Variants in CMIP observed in about 807,000 individuals in gnomAD.
The protein encoded by CMIP is c-Maf inducing protein.
Under a neutral mutation model 97.3 loss-of-function variants are expected in CMIP, and 13 were observed. The ratio of observed to expected loss-of-function variants is 0.13; its 90% CI spans 0.09 to 0.21. The LOEUF is 0.21. Ranked by LOEUF, CMIP falls within the 10% of genes least tolerant of loss-of-function variation. CMIP has a pLI of 1.00. For missense variants in CMIP, 847 were observed against 1,024.9 expected (o/e 0.83, Z 2.37); for synonymous variants, 538 against 436.3 (o/e 1.23, Z -2.91).
intron 1 of CMIP, among the ~76,000 whole-genome samples, chr16:81,514,715 A>G (rs749286309): frequency 1.3e-5 from 2 of 152,138 alleles, no homozygotes; most frequent in South Asian, 4.2e-4. Context: ...TTGTTTCCAG[A>G]CTTCTCTGTG....
chr16:81,540,776 G>A (rs2090434861), intron 1 of CMIP, among the ~76,000 whole-genome samples: 1 of 151,258 alleles, frequency 6.6e-6, no homozygotes, highest in African/African-American at 2.4e-5. Context: ...CGCCTCCCAG[G>A]TTCAAGCGAT....
chr16:81,588,430 C>T (rs934025348), intron 1 of CMIP, among the ~76,000 whole-genome samples: 1 of 152,206 alleles, frequency 6.6e-6, no homozygotes, highest in Admixed American at 6.5e-5. Context: ...CCACGCTTGT[C>T]AGGTGTGGTC....
intron 13 of CMIP, among the ~76,000 whole-genome samples, chr16:81,694,721 C>A (rs1225232447): frequency 6.6e-6 from 1 of 152,170 alleles, no homozygotes; most frequent in Non-Finnish European, 1.5e-5. Context: ...CGTTTTGATG[C>A]GTTTTGAACA....
chr16:81,648,784 GAAAAAAAAAAAAAAAAAA>G (rs6145916), intron 3 of CMIP, among the ~76,000 whole-genome samples: 1,667 of 75,726 alleles, frequency 0.022, 45 homozygotes, highest in Middle Eastern at 0.047. Flanking sequence ...CTCTGTCTCA[GAAAAAAAAAAAAAAAAAA>G]AAAAAAAAAA....
chr16:81,517,164 G>GA (rs1385693623), intron 1 of CMIP, among the ~76,000 whole-genome samples: 1 of 149,456 alleles, frequency 6.7e-6, no homozygotes, highest in Non-Finnish European at 1.5e-5. Flanking sequence ...GTGAAACCCA[G>GA]ACGGCCTCCA....
intron 1 of CMIP, among the ~76,000 whole-genome samples, chr16:81,597,341 T>A (rs1487339784): frequency 6.6e-6 from 1 of 152,220 alleles, no homozygotes; most frequent in Non-Finnish European, 1.5e-5. Context: ...CATACTCTGG[T>A]AACCCCTCTG....
At chr16:81,633,938 G>C (rs1399058803) in intron 3 of CMIP, among the ~76,000 whole-genome samples, 4 of 152,260 alleles carry the variant, frequency 2.6e-5, no homozygotes, top group African/African-American at 7.2e-5. Flanking sequence ...TTTTGTTAAA[G>C]TCTGCAACCA....
intron 10 of CMIP, among the ~76,000 whole-genome samples, chr16:81,686,887 G>T (rs1042640290): frequency 6.6e-6 from 1 of 152,124 alleles, no homozygotes; most frequent in African/African-American, 2.4e-5. Flanking sequence ...TAGGGGTCCC[G>T]GGACCACCCC....
intron 3 of CMIP, chr16:81,651,312 C>G (rs1202610023): frequency 2.2e-6 from 1 of 460,466 alleles, no homozygotes; most frequent in South Asian, 9.2e-5. Context: ...CTCCGCCTTC[C>G]GAGGGCCTCC....
intron 1 of CMIP, among the ~76,000 whole-genome samples, chr16:81,591,571 C>T (rs181894347): frequency 5.9e-5 from 9 of 152,262 alleles, no homozygotes; most frequent in African/African-American, 1.9e-4. Flanking sequence ...ACAAGCCAGA[C>T]ACAAATGTGC....
At chr16:81,576,619 A>G (rs2091193747) in intron 1 of CMIP, among the ~76,000 whole-genome samples, 1 of 152,106 alleles carries the variant, frequency 6.6e-6, no homozygotes, top group African/African-American at 2.4e-5. Flanking sequence ...CAGAGCCAGG[A>G]CTTGAATGTC....
At chr16:81,589,723 C>G (rs1237000087) in intron 1 of CMIP, among the ~76,000 whole-genome samples, 1 of 152,162 alleles carries the variant, frequency 6.6e-6, no homozygotes, top group Non-Finnish European at 1.5e-5. Flanking sequence ...TTTTGTTGAA[C>G]CAGATAAAAT....
At chr16:81,588,833 G>A (rs180784090) in intron 1 of CMIP, among the ~76,000 whole-genome samples, 138 of 152,168 alleles carry the variant, frequency 9.1e-4, no homozygotes, top group Admixed American at 2.2e-3. Context: ...TGGGCCTCCC[G>A]TCGTCTTCCT....
intron 1 of CMIP, among the ~76,000 whole-genome samples, chr16:81,500,055 A>G (rs1056760761): frequency 1.3e-5 from 2 of 151,938 alleles, no homozygotes; most frequent in African/African-American, 2.4e-5. Flanking sequence ...CCCTGGGGCA[A>G]TCGGCCTTCT....
chr16:81,569,886 T>C (rs2091052415), intron 1 of CMIP, among the ~76,000 whole-genome samples: 1 of 152,222 alleles, frequency 6.6e-6, no homozygotes, highest in South Asian at 2.1e-4. Context: ...AGTGAATGTG[T>C]GTCTAGCGCC....
chr16:81,659,820 G>C (rs984893587), intron 5 of CMIP, among the ~76,000 whole-genome samples: 2 of 152,340 alleles, frequency 1.3e-5, no homozygotes, highest in South Asian at 4.1e-4. Flanking sequence ...GAACAGGAAA[G>C]AATTTGATCT....
chr16:81,500,058 G>A (rs1191123064), intron 1 of CMIP, among the ~76,000 whole-genome samples: 1 of 152,066 alleles, frequency 6.6e-6, no homozygotes, highest in Non-Finnish European at 1.5e-5. Flanking sequence ...TGGGGCAATC[G>A]GCCTTCTTCA....
intron 1 of CMIP, among the ~76,000 whole-genome samples, chr16:81,587,538 G>A (rs2091402403): frequency 6.6e-6 from 1 of 152,162 alleles, no homozygotes; most frequent in Non-Finnish European, 1.5e-5. Flanking sequence ...TCACGGTAAA[G>A]CTTTGAGGTG....
chr16:81,635,513 A>G (rs1418205654), intron 3 of CMIP, among the ~76,000 whole-genome samples: 2 of 152,252 alleles, frequency 1.3e-5, no homozygotes, highest in Non-Finnish European at 2.9e-5. Flanking sequence ...GGGAAAAGCC[A>G]GATGCAGACA....
Sources: gnomAD v4.1 joint callset for allele counts (sites outside exome capture counted in the v4.1 genomes callset) on GRCh38, gnomAD v4.1.1 for gene constraint, MANE v1.5 for transcripts, NCBI Gene and HGNC (gene_info 2026-07-23, HGNC 2026-07-21) for gene names.